The following C1orf105 variants were observed in gnomAD, a reference collection of about 807,000 sequenced individuals.
The protein encoded by C1orf105 is chromosome 1 open reading frame 105, also known as uncharacterized protein C1orf105.
In C1orf105, 17 loss-of-function variants were observed where a neutral mutation model predicts 20.8. That is an observed-to-expected ratio of 0.82 (90% CI 0.56 to 1.23). The LOEUF (loss-of-function observed/expected upper bound fraction) is 1.23. Among genes scored for constraint, C1orf105 ranks in the 50% most tolerant of loss-of-function variants. The probability of loss-of-function intolerance (pLI) is 0.00; values close to 1 mark genes in which losing one functional copy is unlikely to be tolerated. For missense variants in C1orf105, 219 were observed against 213.5 expected (o/e 1.03, Z -0.16); for synonymous variants, 72 against 72.1 (o/e 1.00, Z 0.01).
At chr1:172,426,288 G>A (rs2149157810) in intron 1 of C1orf105, among the ~76,000 whole-genome samples, 1 of 152,164 alleles carries the variant, frequency 6.6e-6, no homozygotes, top group Admixed American at 6.5e-5. Context: ...CTCATTTTTT[G>A]TTTTGTTTTC....
chr1:172,448,641 A>G (rs2157451), intron 3 of C1orf105, 110 bp downstream of exon 3: 561,078 of 643,670 alleles, frequency 0.87, 246,059 homozygotes, highest in East Asian at 1. Context: ...TACACCATCA[A>G]TGTTCAATAA....
chr1:172,460,298 A>T (rs16844486), intron 4 of C1orf105, among the ~76,000 whole-genome samples: 2,386 of 152,336 alleles, frequency 0.016, 70 homozygotes, highest in African/African-American at 0.054. Flanking sequence ...AACTACTCAT[A>T]TTCCTATGTA....
intron 1 of C1orf105, among the ~76,000 whole-genome samples, chr1:172,432,703 T>G: frequency 6.6e-6 from 1 of 152,184 alleles, no homozygotes; most frequent in East Asian, 1.9e-4. Flanking sequence ...CCAGAGCGCC[T>G]CTTCTCCTCC....
chr1:172,466,268 G>A (rs1650047172), intron 6 of C1orf105, among the ~76,000 whole-genome samples: 1 of 152,134 alleles, frequency 6.6e-6, no homozygotes, highest in Admixed American at 6.6e-5. Flanking sequence ...CCACTCGAGT[G>A]GAGTGAAAGT....
At chr1:172,450,889 G>A (rs1174553711) in intron 3 of C1orf105, among the ~76,000 whole-genome samples, 1 of 152,178 alleles carries the variant, frequency 6.6e-6, no homozygotes, top group Non-Finnish European at 1.5e-5. Context: ...AAGACAAAAG[G>A]AGAGGCAGGT....
intron 3 of C1orf105, among the ~76,000 whole-genome samples, chr1:172,452,140 G>C (rs1185654159): frequency 6.6e-6 from 1 of 151,938 alleles, no homozygotes; most frequent in Non-Finnish European, 1.5e-5. Flanking sequence ...TAAAGTGCTG[G>C]GATTACAAGT....
intron 4 of C1orf105, among the ~76,000 whole-genome samples, chr1:172,460,737 A>G (rs889970210): frequency 2.0e-5 from 3 of 152,204 alleles, no homozygotes; most frequent in Non-Finnish European, 4.4e-5. Flanking sequence ...AATGTAATCA[A>G]TATAAACAGA....
At chr1:172,460,869 CA>C (rs1649642622) in intron 4 of C1orf105, among the ~76,000 whole-genome samples, 1 of 152,034 alleles carries the variant, frequency 6.6e-6, no homozygotes, top group Non-Finnish European at 1.5e-5. Context: ...CACTTTTTCT[CA>C]AAAACAAAAA....
At chr1:172,421,249 A>C (rs1040328278) in intron 1 of C1orf105, among the ~76,000 whole-genome samples, 2 of 152,190 alleles carry the variant, frequency 1.3e-5, no homozygotes, top group African/African-American at 4.8e-5. Context: ...TGAGATTCTG[A>C]AGTAAACCTT....
intron 5 of C1orf105, among the ~76,000 whole-genome samples, chr1:172,464,440 C>T (rs1649899214): frequency 6.6e-6 from 1 of 152,162 alleles, no homozygotes; most frequent in Admixed American, 6.5e-5. Context: ...ACAAATATGT[C>T]AGTCTTTAGA....
At chr1:172,442,126 T>C (rs765916074) in intron 1 of C1orf105, 33 of 1,614,000 alleles carry the variant, frequency 2.0e-5, no homozygotes, top group Non-Finnish European at 2.7e-5. Flanking sequence ...ATTGGCACCA[T>C]AGTCAAAAAA....
intron 1 of C1orf105, among the ~76,000 whole-genome samples, chr1:172,432,967 G>C (rs1250661660): frequency 6.6e-6 from 1 of 152,194 alleles, no homozygotes; most frequent in East Asian, 1.9e-4. Flanking sequence ...ACTATGTGAT[G>C]CATACACAAG....
intron 1 of C1orf105, among the ~76,000 whole-genome samples, chr1:172,433,865 C>T (rs1196015349): frequency 1.3e-5 from 2 of 152,078 alleles, no homozygotes; most frequent in African/African-American, 2.4e-5. Flanking sequence ...ACCCATCTCA[C>T]GTGCAGAGAC....
intron 1 of C1orf105, among the ~76,000 whole-genome samples, chr1:172,423,882 T>A (rs1299529681): frequency 6.6e-6 from 1 of 151,982 alleles, no homozygotes; most frequent in Non-Finnish European, 1.5e-5. Context: ...GAAGAAAGAA[T>A]TAGTGAGCTT....
chr1:172,438,244 T>A (rs549995142), intron 1 of C1orf105, among the ~76,000 whole-genome samples: 2 of 152,358 alleles, frequency 1.3e-5, no homozygotes, highest in African/African-American at 2.4e-5. Flanking sequence ...CTTTGAAGTC[T>A]AATTAAGAAA....
chr1:172,454,094 G>A (rs1648966282), intron 3 of C1orf105, among the ~76,000 whole-genome samples: 1 of 152,138 alleles, frequency 6.6e-6, no homozygotes, highest in African/African-American at 2.4e-5. Context: ...TCTAATAGTA[G>A]TCTTAGCAGA....
chr1:172,456,545 C>T, intron 4 of C1orf105, 56 bp downstream of exon 4: 1 of 1,531,834 alleles, frequency 6.5e-7, no homozygotes, highest in Non-Finnish European at 9.0e-7. Flanking sequence ...CAGCACTGCC[C>T]TTCCCAGCCA....
intron 1 of C1orf105, among the ~76,000 whole-genome samples, chr1:172,431,992 A>G (rs1395065526): frequency 6.6e-6 from 1 of 152,230 alleles, no homozygotes; most frequent in African/African-American, 2.4e-5. Flanking sequence ...TCACTGTAGC[A>G]CAGCAGTCTG....
chr1:172,434,175 G>A (rs1002418577), intron 1 of C1orf105, among the ~76,000 whole-genome samples: 3 of 152,164 alleles, frequency 2.0e-5, no homozygotes, highest in African/African-American at 7.2e-5. Context: ...ACACCCCACT[G>A]TCAATATTAG....
Sources: allele counts gnomAD v4.1 joint callset (sites outside exome capture counted in the v4.1 genomes callset), GRCh38; gene constraint gnomAD v4.1.1; transcripts MANE v1.5; gene names NCBI Gene and HGNC (gene_info 2026-07-23, HGNC 2026-07-21).